Variants in SPDEF observed in about 807,000 individuals in gnomAD.
SPDEF encodes the protein SAM pointed domain containing ETS transcription factor.
SPDEF carries 12 observed loss-of-function variants against 36.0 expected under a neutral mutation model. The observed-to-expected ratio is 0.33, with a 90% CI of 0.21 to 0.54. The LOEUF is 0.54. Ranked by LOEUF, SPDEF falls within the 20% of genes least tolerant of loss-of-function variation. SPDEF has a pLI of 0.93. For synonymous variants in SPDEF, 205 were observed against 193.0 expected, an observed-to-expected ratio of 1.06 and a Z score of -0.51; for missense variants, 388 against 456.9, an observed-to-expected ratio of 0.85 and a Z score of 1.37.
chr6:34,544,352 GC>G lies in SPDEF; in HGVS notation c.103del (p.Ala35GlnfsTer78). On this transcript the variant is annotated frameshift_variant, in exon 2 of 6. Transcript: ENST00000374037. LOFTEE classifies it high-confidence loss of function. The surrounding 1 kb of genome is among the most constrained non-coding windows in gnomAD (Gnocchi z 4.4). ...CCAGTCCCGTCTCTCGAGACCCACT[GC>G]CCCCGCTGCCGCCTTCTCCAAGCCT... is the stretch of plus-strand genomic sequence containing the variant. Reference protein sequence around the residue: ...RTGLEKAAAGAVGLERRDWSP... With the variant: ...RTGLEKAAAGXVGLERRDWSP... The G allele has an allele frequency of 6.2e-7, 1 of 1,603,616 alleles. No individual in the cohort carries two copies.
At chr6:34,540,842 C>A in intron 3 of SPDEF, 142 bp downstream of exon 3, 1 of 767,730 alleles carries the variant, frequency 1.3e-6, no homozygotes, top group Non-Finnish European at 2.1e-6. Flanking sequence ...CAGGAGGCAG[C>A]TGAAACTGGG....
At chr6:34,540,455 C>T (rs370911427) in intron 3 of SPDEF, among the ~76,000 whole-genome samples, 1 of 150,682 alleles carries the variant, frequency 6.6e-6, no homozygotes. Flanking sequence ...TAAATGTGCT[C>T]GAGTATTCAT....
Position 34,539,539 on chromosome 6 carries a change from A to G in SPDEF, c.658T>C (p.Ser220Pro). Residue 220 changes from serine (S) to proline (P), a missense_variant, in exon 4 of 6, where the codon TCA becomes CCA. Ser to Pro is a moderately conservative substitution (Grantham distance 74). Around this residue, in one of 2 missense-constraint regions of SPDEF, gnomAD observed 308 missense variants for 326.1 expected, o/e 0.94. Coordinates refer to ENST00000374037, the MANE Select transcript of SPDEF (RefSeq NM_012391.3). The surrounding 1 kb of genome is among the most constrained non-coding windows in gnomAD (Gnocchi z 5.2). ...CCACAGTAGTGAATCGCCCCAGGTG[A>G]AGTCCGCTCTTTCATCCAGGCCGCT... ...KSAAWMKERTSPGAIHYCAST... is the reference protein window; with the variant it reads ...KSAAWMKERTPPGAIHYCAST... The G allele has an allele frequency of 6.4e-7, 1 of 1,573,896 alleles. No individual in the cohort carries two copies. Among genetic ancestry groups the G allele is most frequent in the Non-Finnish European group, 8.6e-7 (1 of 1,160,438 alleles).
In SPDEF at chr6:34,539,424, G is replaced by T; in HGVS notation, c.683-28C>A. 1 of 1,612,692 alleles carries T rather than the reference G, an allele frequency of 6.2e-7. No homozygotes were observed. The highest frequency in any genetic ancestry group is 1.3e-5 in the African/African-American group (1 of 75,046). ...GGGTGGCCAGGGAGGGTGGCGGTGA[G>T]TGGGAATGGGAGGCCAGTCCCGGCT... is the stretch of plus-strand genomic sequence containing the variant. On this transcript the variant is annotated intron_variant, in intron 4 of 5. Coordinates refer to ENST00000374037, the MANE Select transcript of SPDEF (RefSeq NM_012391.3). This position sits in a 1 kb window ranked among gnomAD's most constrained non-coding sequence, Gnocchi z 5.2.
chr6:34,554,129 G>T (rs991932084), intron 1 of SPDEF, among the ~76,000 whole-genome samples: 1 of 152,200 alleles, frequency 6.6e-6, no homozygotes, highest in Non-Finnish European at 1.5e-5. Flanking sequence ...GACCTCACCT[G>T]TTCCTTCTTG....
chr6:34,542,273 C>G (rs1325237778), intron 2 of SPDEF, among the ~76,000 whole-genome samples: 1 of 152,172 alleles, frequency 6.6e-6, no homozygotes, highest in Non-Finnish European at 1.5e-5. Flanking sequence ...AATGCCAGGG[C>G]CTGAAGATGA....
At chr6:34,545,289 G>A (rs936233639) in intron 1 of SPDEF, among the ~76,000 whole-genome samples, 130 of 152,366 alleles carry the variant, frequency 8.5e-4, no homozygotes, top group African/African-American at 3.0e-3. Flanking sequence ...CGGAGGCAGT[G>A]CCACATGCCA....
Position 34,552,205 on chromosome 6 carries a change from C to T in SPDEF, c.-30+3724G>A, listed in dbSNP as rs1768075955. ...CACAGTACCTTCCCTCTTCCCTACC[C>T]TCCTCCAGCCCCGCATACGCCGTAC... On this transcript the variant is annotated intron_variant, in intron 1 of 5. Transcript: ENST00000374037. The surrounding 1 kb of genome is among the most constrained non-coding windows in gnomAD (Gnocchi z 4.6). Among the ~76,000 whole-genome samples the T allele has an allele frequency of 6.6e-6, 1 of 152,142 alleles. No individual in the cohort carries two copies. Among genetic ancestry groups the T allele is most frequent in the South Asian group, 2.1e-4 (1 of 4,828 alleles).
In SPDEF at chr6:34,538,248, C is replaced by G; in HGVS notation, c.*26G>C. On this transcript the variant is annotated 3_prime_UTR_variant, in exon 6 of 6. Transcript: ENST00000374037. This position sits in a 1 kb window ranked among gnomAD's most constrained non-coding sequence, Gnocchi z 5.9. ...CAGGCAGGAGAGAGGCCCCTGAGGG[C>G]GGGTTTCAGGCCCTGGGCCAGGCAC... 2 of 1,602,374 alleles carry G rather than the reference C, an allele frequency of 1.2e-6. No individual in the cohort carries two copies. The highest frequency in any genetic ancestry group is 2.2e-5 in the South Asian group (2 of 89,788).
At position 34,538,546 on chromosome 6, in the gene SPDEF, A is replaced by G. The variant is rs1767743844; in HGVS notation, c.830-94T>C. The G allele has an allele frequency of 1.5e-6, 2 of 1,347,904 alleles. No individual in the cohort carries two copies. The highest frequency in any genetic ancestry group is 2.0e-6 in the Non-Finnish European group (2 of 983,942). 83.5% of individuals were successfully genotyped at this position (1,347,904 alleles called of 1,614,324 possible). ...CACCAGGTCAGCCTCGTGGCGAACC[A>G]AGGGACCCCGTGCAGAGGCCTCCCC... On this transcript the variant is annotated intron_variant, in intron 5 of 5. Transcript: ENST00000374037. This position sits in a 1 kb window ranked among gnomAD's most constrained non-coding sequence, Gnocchi z 5.9.
Position 34,541,124 on chromosome 6 carries a change from T to C in SPDEF, c.494A>G (p.Gln165Arg). 1 of 1,609,984 alleles carries C rather than the reference T, an allele frequency of 6.2e-7. No individual in the cohort carries two copies. The highest frequency in any genetic ancestry group is 1.1e-5 in the South Asian group (1 of 90,092). Residue 165 changes from glutamine to arginine, a missense_variant, in exon 3 of 6, where the codon CAA (glutamine) becomes CGA (arginine). Physicochemically the swap from Gln to Arg is conservative, Grantham distance 43. This residue lies in a region of SPDEF where 308 missense variants were observed against 326.1 expected (regional missense o/e 0.94). Transcript: ENST00000374037. ...VQKWLLWTEHQYRLPPMGKAF... is the reference protein window; with the variant it reads ...VQKWLLWTEHRYRLPPMGKAF... Reference sequence around the variant, plus strand: ...CTTGCCCATGGGGGGCAGCCGGTATTGGTGCTCTGTCCACAGGAGCCACTT... The same window carrying C: ...CTTGCCCATGGGGGGCAGCCGGTATCGGTGCTCTGTCCACAGGAGCCACTT...
chr6:34,539,307 A>T lies in SPDEF; in HGVS notation c.772T>A (p.Leu258Met), dbSNP rs1158479959. 5.0e-6 allele frequency: 8 copies of T among 1,613,714 alleles called. No homozygotes were observed. The highest frequency in any genetic ancestry group is 6.8e-6 in the Non-Finnish European group (8 of 1,179,986). The change falls in exon 5 of 6, where the codon TTG becomes ATG. Residue 258 changes from leucine to methionine, a missense_variant. By Grantham distance (15) the Leu-to-Met change is conservative. Coordinates refer to ENST00000374037, the MANE Select transcript of SPDEF (RefSeq NM_012391.3). This position sits in a 1 kb window ranked among gnomAD's most constrained non-coding sequence, Gnocchi z 5.2. ...PIHLWQFLKE[L>M]LLKPHSYGRF... ...CCATAGCTGTGGGGCTTGAGTAGCA[A>T]CTCCTTGAGGAACTGCCACAGGTGG... is the stretch of plus-strand genomic sequence containing the variant.
In SPDEF at chr6:34,544,505, T is replaced by G; in HGVS notation, c.-29-21A>C. On this transcript the variant is annotated intron_variant, in intron 1 of 5. Coordinates refer to ENST00000374037, the MANE Select transcript of SPDEF (RefSeq NM_012391.3). The surrounding 1 kb of genome is among the most constrained non-coding windows in gnomAD (Gnocchi z 4.4). ...TGTGTCTACGGAAATGAAAGAGGAC[T>G]CAGGTTTGACTGCTTCTCCATCCCT... The G allele has an allele frequency of 6.8e-7, 1 of 1,478,582 alleles. No homozygotes were observed. Among genetic ancestry groups the G allele is most frequent in the South Asian group, 1.4e-5 (1 of 73,512 alleles). The allele number at this position is 1,478,582 out of a possible 1,614,324, so 91.6% of individuals were successfully genotyped here.
Position 34,556,316 on chromosome 6 carries a change from G to C in SPDEF, c.-417C>G, listed in dbSNP as rs1768165647. ...GAATGTGCTGGGAGGAAGTCAGACA[G>C]CCGCGAGATGAAGAGTTGGCCAGGG... is the stretch of plus-strand genomic sequence containing the variant. On this transcript the variant is annotated 5_prime_UTR_variant, in exon 1 of 6. Coordinates refer to ENST00000374037, the MANE Select transcript of SPDEF (RefSeq NM_012391.3). 1 of 152,476 alleles carries C rather than the reference G, an allele frequency of 6.6e-6. No individual in the cohort carries two copies. The highest frequency in any genetic ancestry group is 2.4e-5 in the African/African-American group (1 of 41,452). 9.4% of individuals were successfully genotyped at this position (152,476 alleles called of 1,614,324 possible). A position where few individuals can be genotyped will look rare whatever the true frequency, so the allele number is the denominator to read the frequency against.
chr6:34,542,884 G>C (rs1338566546), intron 2 of SPDEF, among the ~76,000 whole-genome samples: 2 of 100,202 alleles, frequency 2.0e-5, no homozygotes, highest in South Asian at 6.1e-4. Context: ...GCGAGACCCT[G>C]TCAAAAAAAA....
In SPDEF at chr6:34,537,897, T is replaced by TGGTC; in HGVS notation, c.*376_*377insGACC. 4.9e-6 allele frequency: 1 copy of TGGTC among 205,356 alleles called. No individual in the cohort carries two copies. Among genetic ancestry groups the TGGTC allele is most frequent in the Non-Finnish European group, 1.0e-5 (1 of 100,190 alleles). 12.7% of individuals were successfully genotyped at this position (205,356 alleles called of 1,614,324 possible). The stretch of plus-strand genomic sequence containing the variant: ...TCTCCCTGCACCATGCCAGGTGTGG[T>TGGTC]GCAGAATGGGAGGCAGGGGGATGGA... On this transcript the variant is annotated 3_prime_UTR_variant, in exon 6 of 6. Transcript: ENST00000374037.
rs772031972 is a variant in SPDEF, at chr6:34,539,219, C to A, written c.829+31G>T. The A allele has an allele frequency of 1.2e-6, 2 of 1,610,886 alleles. No individual in the cohort carries two copies. Among genetic ancestry groups the A allele is most frequent in the Non-Finnish European group, 1.7e-6 (2 of 1,178,520 alleles). ...CCCCCACAACCTCCATGCTCACTGG[C>A]CCTGCAGCGCCCCTTGGGCACCCTG... On this transcript the variant is annotated intron_variant, in intron 5 of 5. Coordinates refer to ENST00000374037, the MANE Select transcript of SPDEF (RefSeq NM_012391.3). The surrounding 1 kb of genome is among the most constrained non-coding windows in gnomAD (Gnocchi z 5.2).
intron 1 of SPDEF, among the ~76,000 whole-genome samples, chr6:34,551,683 C>T (rs1582006648): frequency 6.6e-6 from 1 of 152,156 alleles, no homozygotes; most frequent in African/African-American, 2.4e-5. Context: ...GTGTGGCTGT[C>T]CCTGGAGTTG....
At chr6:34,541,222 A>C (rs1303621017) in intron 2 of SPDEF, 41 bp from the exon 3 acceptor site, 1 of 1,535,846 alleles carries the variant, frequency 6.5e-7, no homozygotes, top group Non-Finnish European at 8.8e-7. Context: ...GTGGCCTGAG[A>C]GCACCACCCT....
Sources: gnomAD v4.1 joint callset for allele counts (sites outside exome capture counted in the v4.1 genomes callset) on GRCh38, gnomAD v4.1.1 for gene constraint, gnomAD v4.1.1 regional missense constraint, Gnocchi (gnomAD v3.1) non-coding constraint, MANE v1.5 for transcripts, NCBI Gene and HGNC (gene_info 2026-07-23, HGNC 2026-07-21) for gene names.